INPP5A: variants seen among roughly 807,000 people sequenced by gnomAD.
The protein encoded by INPP5A is 43 kDa inositol polyphosphate 5-phophatase.
A neutral mutation model predicts 65.2 loss-of-function variants in INPP5A; 14 were observed. The ratio of observed to expected loss-of-function variants is 0.21; its 90% CI spans 0.14 to 0.34. The LOEUF (loss-of-function observed/expected upper bound fraction) is 0.34, where lower values mean the gene tolerates loss of function less well. Ranked by LOEUF, INPP5A falls within the 10% of genes least tolerant of loss-of-function variation. INPP5A has a pLI of 1.00. For synonymous variants in INPP5A, 207 were observed against 208.3 expected, an observed-to-expected ratio of 0.99 and a Z score of 0.05; for missense variants, 431 against 545.6, an observed-to-expected ratio of 0.79 and a Z score of 2.09.
In INPP5A at chr10:132,692,912, C is replaced by G. The variant is rs1475859506; in HGVS notation, c.370+2457C>G. On this transcript the variant is annotated intron_variant, in intron 5 of 15. Transcript: ENST00000368594. ...TAAAATGAAATATATTTTTCTTACCCTTAATTGGTCTAGCAGATAACTTTT... is the reference window on the plus strand; with the variant it reads ...TAAAATGAAATATATTTTTCTTACCGTTAATTGGTCTAGCAGATAACTTTT... Among the ~76,000 whole-genome samples the G allele has an allele frequency of 4.6e-5, 7 of 152,114 alleles. No individual in the cohort carries two copies. The East Asian group carries it at 1.3e-3, about 29-fold the overall frequency.
At chr10:132,670,739 C>T (rs1339365680) in intron 4 of INPP5A, among the ~76,000 whole-genome samples, 1 of 151,976 alleles carries the variant, frequency 6.6e-6, no homozygotes, top group Non-Finnish European at 1.5e-5. Context: ...CCCCTGTGAG[C>T]AAACAGGCAG....
chr10:132,758,735 C>A (rs1846677238), intron 11 of INPP5A, among the ~76,000 whole-genome samples: 1 of 152,186 alleles, frequency 6.6e-6, no homozygotes, highest in South Asian at 2.1e-4. Context: ...AGGAAGGACC[C>A]CCAGAGCTGC....
chr10:132,651,608 C>T lies in INPP5A; in HGVS notation c.306+1103C>T, dbSNP rs541413504. On this transcript the variant is annotated intron_variant, in intron 4 of 15. Coordinates refer to ENST00000368594, the MANE Select transcript of INPP5A (RefSeq NM_005539.5). The surrounding 1 kb of genome is among the most constrained non-coding windows in gnomAD (Gnocchi z 5.0). ...CAGCGCCCACTAGCCGTCATTGCGC[C>T]GTCACGTGACAGGCCCTTGTTAATC... 7.9e-5 allele frequency among the ~76,000 whole-genome samples: 12 copies of T among 152,332 alleles called. No homozygotes were observed. The highest frequency in any genetic ancestry group is 5.8e-4 in the East Asian group (3 of 5,178).
intron 1 of INPP5A, among the ~76,000 whole-genome samples, chr10:132,571,667 T>C (rs1300139616): frequency 6.6e-6 from 1 of 152,202 alleles, no homozygotes; most frequent in African/African-American, 2.4e-5. Context: ...ACCCGGAGTG[T>C]CTGCAGGCAG....
intron 8 of INPP5A, among the ~76,000 whole-genome samples, chr10:132,719,090 G>C (rs959283910): frequency 6.7e-6 from 1 of 148,502 alleles, no homozygotes; most frequent in African/African-American, 2.5e-5. Context: ...TGTGGTACCT[G>C]GGTTCTGTCT....
intron 2 of INPP5A, among the ~76,000 whole-genome samples, chr10:132,623,826 A>T (rs2072139274): frequency 6.6e-6 from 1 of 152,246 alleles, no homozygotes; most frequent in Non-Finnish European, 1.5e-5. Flanking sequence ...ACCCAATTTT[A>T]AAATAACTGA....
intron 4 of INPP5A, among the ~76,000 whole-genome samples, chr10:132,684,834 G>A (rs562428976): frequency 6.6e-5 from 10 of 152,306 alleles, no homozygotes; most frequent in South Asian, 4.1e-4. Context: ...GCATGGTTTC[G>A]TGCCCCTGGG....
intron 4 of INPP5A, among the ~76,000 whole-genome samples, chr10:132,666,290 T>C (rs2072801306): frequency 6.6e-6 from 1 of 152,166 alleles, no homozygotes; most frequent in South Asian, 2.1e-4. Context: ...GAACACATTA[T>C]TCCATGTTTT....
intron 8 of INPP5A, 104 bp downstream of exon 8, chr10:132,710,560 GCAGGTCGGTGTGGGTGGA>G: frequency 6.7e-7 from 1 of 1,491,950 alleles, no homozygotes; most frequent in Middle Eastern, 2.4e-4. Context: ...GGTATGCTGG[GCAGGTCGGTGTGGGTGGA>G]CAGGTAGGTG....
intron 8 of INPP5A, among the ~76,000 whole-genome samples, chr10:132,720,405 C>A (rs866186741): frequency 2.6e-3 from 234 of 89,030 alleles, no homozygotes; most frequent in Middle Eastern, 0.012. Flanking sequence ...GGCTGTCTTG[C>A]GGGTTCTGTG....
chr10:132,757,710 C>G (rs987625954), intron 11 of INPP5A, among the ~76,000 whole-genome samples: 1 of 152,096 alleles, frequency 6.6e-6, no homozygotes, highest in Admixed American at 6.5e-5. Context: ...CCGAGCCCCA[C>G]AGCCCGGCAC....
intron 11 of INPP5A, among the ~76,000 whole-genome samples, chr10:132,760,180 G>T (rs1370497476): frequency 6.6e-6 from 1 of 152,246 alleles, no homozygotes; most frequent in East Asian, 1.9e-4. Flanking sequence ...GCTTCTAGGA[G>T]GTGGAGCAGC....
rs941305790 is a variant in INPP5A, at chr10:132,598,621, G to A, written c.76-9294G>A. Among the ~76,000 whole-genome samples, 4 of 152,344 alleles carry A rather than the reference G, an allele frequency of 2.6e-5. No individual in the cohort carries two copies. The East Asian group carries it at 5.8e-4, about 22-fold the overall frequency. On this transcript the variant is annotated intron_variant, in intron 1 of 15. Coordinates refer to ENST00000368594, the MANE Select transcript of INPP5A (RefSeq NM_005539.5). Reference sequence around the variant, plus strand: ...AGACCACAATTGTATCCATTTGTCCGTGGATGGACACTTGGGTTTCTTCCA... The same window carrying A: ...AGACCACAATTGTATCCATTTGTCCATGGATGGACACTTGGGTTTCTTCCA...
At chr10:132,655,534 C>T (rs971658050) in intron 4 of INPP5A, among the ~76,000 whole-genome samples, 6 of 152,242 alleles carry the variant, frequency 3.9e-5, no homozygotes, top group South Asian at 2.1e-4. Flanking sequence ...CCCAGAGAGC[C>T]GACGTCGGCC....
chr10:132,594,633 G>A (rs2071661170), intron 1 of INPP5A, among the ~76,000 whole-genome samples: 1 of 151,994 alleles, frequency 6.6e-6, no homozygotes, highest in Admixed American at 6.6e-5. Flanking sequence ...GTGCATGGGT[G>A]GTGTGTGGTG....
chr10:132,556,354 C>T (rs541998121), intron 1 of INPP5A, among the ~76,000 whole-genome samples: 4 of 152,230 alleles, frequency 2.6e-5, no homozygotes, highest in African/African-American at 7.2e-5. Flanking sequence ...TGGGCTGATG[C>T]GGCGAGCCCT....
intron 7 of INPP5A, among the ~76,000 whole-genome samples, chr10:132,709,616 G>A (rs769956697): frequency 4.3e-4 from 66 of 152,282 alleles, no homozygotes; most frequent in Non-Finnish European, 8.2e-4. Context: ...ACAGGCTGGA[G>A]GAGGGCAAGA....
intron 1 of INPP5A, among the ~76,000 whole-genome samples, chr10:132,541,598 G>A (rs1009988504): frequency 5.9e-5 from 9 of 152,226 alleles, no homozygotes; most frequent in Non-Finnish European, 1.2e-4. Context: ...CTCATATTGG[G>A]AGCTGAGACT....
At chr10:132,664,762 C>CT (rs1007516775) in intron 4 of INPP5A, among the ~76,000 whole-genome samples, 26 of 152,324 alleles carry the variant, frequency 1.7e-4, no homozygotes, top group African/African-American at 6.0e-4. Context: ...GCTATGTGCT[C>CT]TTTGAAAACC....
Sources: allele counts gnomAD v4.1 joint callset (sites outside exome capture counted in the v4.1 genomes callset), GRCh38; gene constraint gnomAD v4.1.1; non-coding constraint Gnocchi (gnomAD v3.1); transcripts MANE v1.5; gene names NCBI Gene and HGNC (gene_info 2026-07-23, HGNC 2026-07-21).